The following GRK4 variants were observed in gnomAD, a reference collection of about 807,000 sequenced individuals.
The protein encoded by GRK4 is G protein-coupled receptor kinase 4.
Under a neutral mutation model 77.9 loss-of-function variants are expected in GRK4, and 73 were observed. That is an observed-to-expected ratio of 0.94 (90% CI 0.78 to 1.14). The LOEUF (loss-of-function observed/expected upper bound fraction) is 1.14. Ranked by LOEUF, GRK4 falls within the 50% of genes most tolerant of loss-of-function variation. The pLI is 0.00. For synonymous variants in GRK4, 257 were observed against 254.4 expected, an observed-to-expected ratio of 1.01 and a Z score of -0.10; for missense variants, 729 against 700.2, an observed-to-expected ratio of 1.04 and a Z score of -0.46.
chr4:2,990,558 GTTC>G (rs1560393638), intron 3 of GRK4, among the ~76,000 whole-genome samples: 3 of 152,118 alleles, frequency 2.0e-5, no homozygotes, highest in South Asian at 2.1e-4. Context: ...CGCCTGGCCA[GTTC>G]TTCTTTTTGA....
At chr4:3,039,727 A>T (rs975812962) in intron 15 of GRK4, among the ~76,000 whole-genome samples, 4 of 152,012 alleles carry the variant, frequency 2.6e-5, no homozygotes, top group African/African-American at 7.2e-5. Flanking sequence ...AGGAAAAAAA[A>T]ATAAGCTTTA....
At position 3,035,474 on chromosome 4, in the gene GRK4, A is replaced by G. The variant is rs765936775; in HGVS notation, c.1358A>G (p.Asn453Ser). ...VKQHPVFKDI[N>S]FRRLEANMLE... ...CAGCACCCCGTGTTCAAGGACATCAACTTCAGGAGGCTGGAGGCAAACATG... is the reference window on the plus strand; with the variant it reads ...CAGCACCCCGTGTTCAAGGACATCAGCTTCAGGAGGCTGGAGGCAAACATG... Residue 453 changes from asparagine (N) to serine (S), a missense_variant, in exon 13 of 16, where the codon AAC (asparagine) becomes AGC (serine). Physicochemically the swap from Asn to Ser is conservative, Grantham distance 46. Coordinates refer to ENST00000398052, the MANE Select transcript of GRK4 (RefSeq NM_182982.3). The G allele has an allele frequency of 1.2e-6, 2 of 1,614,068 alleles. No individual in the cohort carries two copies. The highest frequency in any genetic ancestry group is 1.7e-6 in the Non-Finnish European group (2 of 1,179,984).
In GRK4 at chr4:3,009,729, G is replaced by A; in HGVS notation, c.600+18G>A. ...TTGGAGAGGTGAGTAACGGGAGCCA[G>A]TTCATAGCAGCGCTGCTAGCTGGGT... On this transcript the variant is annotated intron_variant, in intron 7 of 15. Coordinates refer to ENST00000398052, the MANE Select transcript of GRK4 (RefSeq NM_182982.3). The A allele has an allele frequency of 6.2e-7, 1 of 1,601,268 alleles. No individual in the cohort carries two copies. The highest frequency in any genetic ancestry group is 8.6e-7 in the Non-Finnish European group (1 of 1,168,376).
At chr4:2,977,703 C>T (rs1478053454) in intron 1 of GRK4, among the ~76,000 whole-genome samples, 1 of 152,174 alleles carries the variant, frequency 6.6e-6, no homozygotes, top group Non-Finnish European at 1.5e-5. Context: ...TCCTGTGGAT[C>T]TCGGTCCATC....
intron 10 of GRK4, among the ~76,000 whole-genome samples, chr4:3,024,872 C>T (rs1194663309): frequency 6.6e-6 from 1 of 151,476 alleles, no homozygotes; most frequent in Non-Finnish European, 1.5e-5. Context: ...AACAAACAAA[C>T]AAACAACAAC....
Position 3,040,459 on chromosome 4 carries a change from TA to T in GRK4, c.1684-107del. 3 of 699,450 alleles carry T rather than the reference TA, an allele frequency of 4.3e-6. 1 individual carries two copies. Among genetic ancestry groups the T allele is most frequent in the South Asian group, 4.0e-5 (2 of 50,198 alleles). The allele number at this position is 699,450 out of a possible 1,614,324, so 43.3% of individuals were successfully genotyped here. A position where few individuals can be genotyped will look rare whatever the true frequency, so the allele number is the denominator to read the frequency against. On this transcript the variant is annotated intron_variant, in intron 15 of 15. Coordinates refer to ENST00000398052, the MANE Select transcript of GRK4 (RefSeq NM_182982.3). The stretch of plus-strand genomic sequence containing the variant: ...ATGTCTCAAAAAATAAATAAATAAA[TA>T]AAAAATAAAAAAGCACCCCCCACCC...
chr4:2,987,976 T>C (rs1310294881), intron 2 of GRK4, among the ~76,000 whole-genome samples: 2 of 148,958 alleles, frequency 1.3e-5, no homozygotes, highest in Non-Finnish European at 3.0e-5. Flanking sequence ...CTCAGGAGGC[T>C]GAGGCATGAG....
At chr4:3,029,167 A>AACTTAATT (rs1208173324) in intron 11 of GRK4, 34 bp from the exon 12 acceptor site, 9 of 1,515,650 alleles carry the variant, frequency 5.9e-6, no homozygotes, top group Non-Finnish European at 8.2e-6. Context: ...ATCAAAATTT[A>AACTTAATT]ACTTAATTTC....
chr4:3,017,743 C>A (rs746116494), intron 8 of GRK4, among the ~76,000 whole-genome samples: 2 of 152,186 alleles, frequency 1.3e-5, no homozygotes, highest in Non-Finnish European at 2.9e-5. Context: ...AAGGGAAGAA[C>A]CATATGGTCA....
At chr4:3,007,884 T>C in intron 6 of GRK4, 56 bp downstream of exon 6, 1 of 1,156,006 alleles carries the variant, frequency 8.7e-7, no homozygotes, top group East Asian at 2.4e-5. Flanking sequence ...ATGCCTGTAG[T>C]CCCAGCTACT....
At chr4:2,968,500 A>C (rs1053365459) in intron 1 of GRK4, among the ~76,000 whole-genome samples, 4 of 152,202 alleles carry the variant, frequency 2.6e-5, no homozygotes, top group Admixed American at 6.5e-5. Flanking sequence ...AGAACCTAAC[A>C]ATCAGTCTGG....
At chr4:2,995,327 GTGT>G (rs995338400) in intron 4 of GRK4, among the ~76,000 whole-genome samples, 1 of 152,030 alleles carries the variant, frequency 6.6e-6, no homozygotes, top group African/African-American at 2.4e-5. Context: ...CCAGTTCAAG[GTGT>G]TGTTGACCTA....
At chr4:3,007,681 T>A in intron 5 of GRK4, 55 bp from the exon 6 acceptor site, 4 of 1,132,794 alleles carry the variant, frequency 3.5e-6, no homozygotes, top group Non-Finnish European at 5.1e-6. Context: ...AAAACACACT[T>A]GTTTTTATTT....
intron 1 of GRK4, among the ~76,000 whole-genome samples, chr4:2,972,825 C>G (rs543823097): frequency 3.3e-5 from 5 of 152,238 alleles, no homozygotes; most frequent in African/African-American, 1.2e-4. Context: ...GTCTCCACCT[C>G]CCGGGCTCAA....
chr4:3,010,422 TC>T (rs1438960224), intron 7 of GRK4, among the ~76,000 whole-genome samples: 2 of 152,118 alleles, frequency 1.3e-5, no homozygotes, highest in Non-Finnish European at 2.9e-5. Flanking sequence ...AGAGGGGGTT[TC>T]TCCATGTTGG....
intron 4 of GRK4, among the ~76,000 whole-genome samples, chr4:3,001,261 A>ATGTG (rs1335008792): frequency 9.7e-6 from 1 of 102,718 alleles, no homozygotes; most frequent in Non-Finnish European, 2.0e-5. Flanking sequence ...ATATGTATAT[A>ATGTG]TATGTGTGTA....
At position 2,970,701 on chromosome 4, in the gene GRK4, G is replaced by A. The variant is rs968082963; in HGVS notation, c.52+6579G>A. Among the ~76,000 whole-genome samples, 8 of 150,624 alleles carry A rather than the reference G, an allele frequency of 5.3e-5. No individual in the cohort carries two copies. The South Asian group carries it at 1.3e-3, about 24-fold the overall frequency. Reference sequence around the variant, plus strand: ...CTTTTTTTTTGGGGGGGTCAGTCTCGCTCTGTCGCCCAGGCTGGAGTGCAG... The same window carrying A: ...CTTTTTTTTTGGGGGGGTCAGTCTCACTCTGTCGCCCAGGCTGGAGTGCAG... On this transcript the variant is annotated intron_variant, in intron 1 of 15. Transcript: ENST00000398052.
chr4:2,975,031 G>T (rs1720695312), intron 1 of GRK4, among the ~76,000 whole-genome samples: 3 of 152,186 alleles, frequency 2.0e-5, no homozygotes, highest in Admixed American at 6.5e-5. Flanking sequence ...GAGGCCGGGC[G>T]CGGTGGCTCT....
rs80001680 is a variant in GRK4 at position 3,017,901 on chromosome 4, C to T, written c.742-1740C>T. 1.0e-2 allele frequency among the ~76,000 whole-genome samples: 1,520 copies of T among 152,084 alleles called. 25 individuals are homozygous for T. Among genetic ancestry groups the T allele is most frequent in the African/African-American group, 0.035 (1,461 of 41,458 alleles). On this transcript the variant is annotated intron_variant, in intron 8 of 15. Transcript: ENST00000398052. ...TATGAAAATATTAAAAGCTTTTCCC[C>T]GTGAGATCTGGAATGAGGCTAGATA... is the stretch of plus-strand genomic sequence containing the variant.
Sources: gnomAD v4.1 joint callset for allele counts (sites outside exome capture counted in the v4.1 genomes callset) on GRCh38, gnomAD v4.1.1 for gene constraint, MANE v1.5 for transcripts, NCBI Gene and HGNC (gene_info 2026-07-23, HGNC 2026-07-21) for gene names.